L3MBTL2: variants seen among roughly 807,000 people sequenced by gnomAD.
The protein encoded by L3MBTL2 is lethal(3)malignant brain tumor-like protein 2.
Under a neutral mutation model 86.4 loss-of-function variants are expected in L3MBTL2, and 49 were observed. That is an observed-to-expected ratio of 0.57 (90% confidence interval 0.45 to 0.72). The LOEUF (loss-of-function observed/expected upper bound fraction) is 0.72, where lower values mean the gene tolerates loss of function less well. L3MBTL2 is among the 30% of genes least tolerant of loss of function. The pLI, the probability that L3MBTL2 is intolerant of heterozygous loss-of-function variation, is 0.00. For synonymous variants in L3MBTL2, 336 were observed against 350.6 expected (o/e 0.96, Z 0.47); for missense variants, 755 against 923.7 (o/e 0.82, Z 2.37).
At chr22:41,221,598 T>G (rs2031822809) in intron 8 of L3MBTL2, among the ~76,000 whole-genome samples, 1 of 152,210 alleles carries the variant, frequency 6.6e-6, no homozygotes, top group African/African-American at 2.4e-5. Context: ...TCAATAGATT[T>G]TATTAACATA....
At chr22:41,222,608 T>A (rs2031900763) in intron 8 of L3MBTL2, among the ~76,000 whole-genome samples, 1 of 150,370 alleles carries the variant, frequency 6.7e-6, no homozygotes. Context: ...TGAGACTTCG[T>A]CTCTTGAAAA....
chr22:41,221,059 A>G, intron 7 of L3MBTL2, 140 bp from the exon 8 acceptor site: 2 of 952,074 alleles, frequency 2.1e-6, no homozygotes, highest in Non-Finnish European at 3.1e-6. Context: ...ATGTTCTCAG[A>G]TGAAGTCATT....
Position 41,227,703 on chromosome 22 carries a change from T to C in L3MBTL2, c.1823-101T>C. ...AGGTTTGGCTTCCTGTCTTGGGGTG[T>C]CTCGTGTGGGAGGGTGGATGGGGTC... On this transcript the variant is annotated intron_variant, in intron 14 of 16. Transcript: ENST00000216237. The surrounding 1 kb of genome is among the most constrained non-coding windows in gnomAD (Gnocchi z 6.0). The C allele has an allele frequency of 6.3e-7, 1 of 1,598,606 alleles. No homozygotes were observed. The highest frequency in any genetic ancestry group is 2.3e-5 in the East Asian group (1 of 44,278).
Position 41,229,586 on chromosome 22 carries a change from C to T in L3MBTL2, c.1935C>T (p.Ser645=), listed in dbSNP as rs183758194. The T allele has an allele frequency of 6.2e-7, 1 of 1,613,580 alleles. No homozygotes were observed. ...AGACGCGACCCCTCAGACAGGGGTC[C>T]AAGAAGCCCCTGCTGGAGGACGACC... ...PTKTRPLRQG[S]KKPLLEDDPQ... The change falls in exon 16 of 17, where the codon TCC becomes TCT. Residue 645 remains serine, a synonymous_variant. Transcript: ENST00000216237.
chr22:41,228,782 G>A (rs148005187), intron 15 of L3MBTL2, among the ~76,000 whole-genome samples: 2,432 of 151,762 alleles, frequency 0.016, 67 homozygotes, highest in African/African-American at 0.056. Context: ...CCTGGGGGCC[G>A]GAGGTGGCAG....
chr22:41,217,150 A>T lies in L3MBTL2; in HGVS notation c.548A>T (p.Lys183Met). The T allele has an allele frequency of 6.2e-7, 1 of 1,613,954 alleles. No homozygotes were observed. The highest frequency in any genetic ancestry group is 8.5e-7 in the Non-Finnish European group (1 of 1,179,982). ...CTGGTCTTGGGCTTCGACTGGGGGA[A>T]GTTCCTGAAGGATCACAGTTACAAG... ...DALVLGFDWG[K>M]FLKDHSYKAA... The change falls in exon 5 of 17, where the codon AAG (lysine) becomes ATG (methionine). Residue 183 changes from lysine (K) to methionine (M), a missense_variant. Physicochemically the swap from Lys to Met is moderately conservative, Grantham distance 95. Coordinates refer to ENST00000216237, the MANE Select transcript of L3MBTL2 (RefSeq NM_031488.5).
At chr22:41,217,254 G>C (rs1176694361) in intron 5 of L3MBTL2, 52 bp downstream of exon 5, 4 of 1,423,328 alleles carry the variant, frequency 2.8e-6, no homozygotes, top group Admixed American at 1.7e-5. Flanking sequence ...GCCTGGAGCT[G>C]CTCCTCCACC....
chr22:41,224,473 C>T lies in L3MBTL2; in HGVS notation c.1174+222C>T, dbSNP rs750508537. On this transcript the variant is annotated intron_variant, in intron 9 of 16. Transcript: ENST00000216237. The surrounding 1 kb of genome is among the most constrained non-coding windows in gnomAD (Gnocchi z 4.9). Reference sequence around the variant, plus strand: ...ATTTGAACCCAGATGCTACCAGCCCCGATCCTCTCCCCTGTCAATGCGGGA... The same window carrying T: ...ATTTGAACCCAGATGCTACCAGCCCTGATCCTCTCCCCTGTCAATGCGGGA... Among the ~76,000 whole-genome samples the T allele has an allele frequency of 6.6e-5, 10 of 152,174 alleles. No individual in the cohort carries two copies. The highest frequency in any genetic ancestry group is 1.3e-4 in the Non-Finnish European group (9 of 68,036).
chr22:41,220,184 T>TA (rs1424137691), intron 6 of L3MBTL2, among the ~76,000 whole-genome samples: 3 of 152,144 alleles, frequency 2.0e-5, no homozygotes, highest in Non-Finnish European at 4.4e-5. Flanking sequence ...ACTGTCTCTA[T>TA]AAAAAATGAA....
At chr22:41,206,192 G>A (rs1289196771) in intron 1 of L3MBTL2, 1 of 151,950 alleles carries the variant, frequency 6.6e-6, no homozygotes, top group East Asian at 1.9e-4. Flanking sequence ...CATGTTGGTC[G>A]GATTGGTCTC....
intron 3 of L3MBTL2, among the ~76,000 whole-genome samples, chr22:41,215,818 T>A (rs1027597738): frequency 2.6e-5 from 4 of 152,198 alleles, no homozygotes; most frequent in Non-Finnish European, 5.9e-5. Flanking sequence ...CATTCTTTGC[T>A]TTGGATCTAT....
intron 16 of L3MBTL2, 26 bp downstream of exon 16, chr22:41,229,682 G>C (rs377505983): frequency 1.2e-6 from 2 of 1,612,812 alleles, no homozygotes; most frequent in Non-Finnish European, 1.7e-6. Context: ...CTGGGTCAAG[G>C]CAGGACCAGC....
intron 2 of L3MBTL2, among the ~76,000 whole-genome samples, chr22:41,210,958 G>A (rs900595331): frequency 6.6e-6 from 1 of 152,170 alleles, no homozygotes; most frequent in African/African-American, 2.4e-5. Context: ...AATAACTTGT[G>A]GTTTGGAAGT....
intron 8 of L3MBTL2, among the ~76,000 whole-genome samples, chr22:41,223,001 G>A (rs1168073575): frequency 6.6e-6 from 1 of 152,182 alleles, no homozygotes; most frequent in African/African-American, 2.4e-5. Flanking sequence ...AAGAGAACAT[G>A]GCAGGGAAGG....
intron 5 of L3MBTL2, chr22:41,217,727 G>A (rs191116400): frequency 1.6e-3 from 256 of 156,794 alleles, no homozygotes; most frequent in Admixed American, 6.7e-3. Flanking sequence ...CCTGCAGGCC[G>A]GGAGAGCAGA....
chr22:41,217,121 A>T lies in L3MBTL2; in HGVS notation c.521-2A>T. The T allele has an allele frequency of 6.2e-7, 1 of 1,613,478 alleles. No homozygotes were observed. The highest frequency in any genetic ancestry group is 8.5e-7 in the Non-Finnish European group (1 of 1,179,660). Reference sequence around the variant, plus strand: ...GTCTGACTCGTCCTCTCTGCTCTGCAGCTCTGGTCTTGGGCTTCGACTGGG... The same window carrying T: ...GTCTGACTCGTCCTCTCTGCTCTGCTGCTCTGGTCTTGGGCTTCGACTGGG... On this transcript the variant is annotated splice_acceptor_variant, in intron 4 of 16. Coordinates refer to ENST00000216237, the MANE Select transcript of L3MBTL2 (RefSeq NM_031488.5). LOFTEE classifies it high-confidence loss of function.
intron 16 of L3MBTL2, 106 bp downstream of exon 16, chr22:41,229,762 T>C (rs2145622209): frequency 6.3e-7 from 1 of 1,577,856 alleles, no homozygotes; most frequent in South Asian, 1.1e-5. Flanking sequence ...CAGGTTTCTT[T>C]GGCATTTTCT....
intron 2 of L3MBTL2, chr22:41,210,143 CTTTTT>C (rs869292228): frequency 8.0e-4 from 130 of 162,692 alleles, no homozygotes; most frequent in South Asian, 1.5e-3. Context: ...AGTCTAATTT[CTTTTT>C]TTTTTTTTTT....
At chr22:41,210,803 T>C (rs1475346666) in intron 2 of L3MBTL2, among the ~76,000 whole-genome samples, 1 of 152,214 alleles carries the variant, frequency 6.6e-6, no homozygotes, top group African/African-American at 2.4e-5. Context: ...CATTCTTTCA[T>C]ATAACTAATG....
Sources: allele counts gnomAD v4.1 joint callset (sites outside exome capture counted in the v4.1 genomes callset), GRCh38; gene constraint gnomAD v4.1.1; non-coding constraint Gnocchi (gnomAD v3.1); transcripts MANE v1.5; gene names NCBI Gene and HGNC (gene_info 2026-07-23, HGNC 2026-07-21).